TASOR: variants seen among roughly 807,000 people sequenced by gnomAD.
TASOR encodes the protein transcription activation suppressor.
Under a neutral mutation model 178.6 loss-of-function variants are expected in TASOR, and 53 were observed. The ratio of observed to expected loss-of-function variants is 0.30; its 90% CI spans 0.24 to 0.37. The LOEUF is 0.37. TASOR is among the 10% of genes least tolerant of loss of function. The pLI, the probability that TASOR is intolerant of heterozygous loss-of-function variation, is 1.00. For missense variants in TASOR, 1,815 were observed against 1,971.4 expected (o/e 0.92, Z 1.50); for synonymous variants, 713 against 696.2 (o/e 1.02, Z -0.38).
In TASOR at chr3:56,633,476, G is replaced by A. The variant is rs562808818; in HGVS notation, c.3315C>T (p.Asn1105=). 1.8e-5 allele frequency: 29 copies of A among 1,614,138 alleles called. No individual in the cohort carries two copies. The highest frequency in any genetic ancestry group is 2.2e-5 in the East Asian group (1 of 44,886). ...TCGATGCTATCTTAGCACCAGAATC[G>A]TTAGGACTGACTGGTGGCAAATTCC... The part of the protein sequence containing the change: ...KGGNLPPVSP[N]DSGAKIASNP... The change falls in exon 18 of 24, where the codon AAC becomes AAT. Residue 1105 remains asparagine, a synonymous_variant. Coordinates refer to ENST00000683822, the MANE Select transcript of TASOR (RefSeq NM_001365635.2).
intron 14 of TASOR, among the ~76,000 whole-genome samples, chr3:56,642,256 A>G (rs1032450903): frequency 1.1e-4 from 16 of 152,254 alleles, no homozygotes; most frequent in Admixed American, 6.5e-5. Context: ...ACTTAAATTC[A>G]TAATGAAGCT....
At position 56,680,254 on chromosome 3, in the gene TASOR, G is replaced by A. The variant is rs565371766; in HGVS notation, c.331+2422C>T. Among the ~76,000 whole-genome samples the A allele has an allele frequency of 2.0e-5, 3 of 152,208 alleles. No individual in the cohort carries two copies. In the East Asian group the frequency reaches 5.8e-4, roughly 29 times the overall value. ...TTTAGTCTCCTCATCTGTAAAATGG[G>A]AATAGTACCTACCACAAAACATTGT... On this transcript the variant is annotated intron_variant, in intron 1 of 23. Coordinates refer to ENST00000683822, the MANE Select transcript of TASOR (RefSeq NM_001365635.2).
At chr3:56,637,414 T>G (rs2077039076) in intron 17 of TASOR, among the ~76,000 whole-genome samples, 2 of 152,032 alleles carry the variant, frequency 1.3e-5, no homozygotes. Flanking sequence ...CCCAGCTACT[T>G]GGGAGGCTGA....
intron 7 of TASOR, chr3:56,664,367 G>A (rs2077663213): frequency 2.0e-5 from 3 of 152,184 alleles, no homozygotes; most frequent in Admixed American, 6.5e-5. Context: ...TTTAAGTGCT[G>A]GATGTCTTTT....
intron 13 of TASOR, 81 bp from the exon 14 acceptor site, chr3:56,647,304 A>G (rs2077255580): frequency 8.9e-7 from 1 of 1,126,528 alleles, no homozygotes; most frequent in African/African-American, 1.6e-5. Flanking sequence ...AAATATTGCC[A>G]AAGAAGTATA....
intron 6 of TASOR, among the ~76,000 whole-genome samples, chr3:56,667,806 T>A (rs550066908): frequency 1.3e-5 from 2 of 152,300 alleles, no homozygotes; most frequent in East Asian, 3.9e-4. Flanking sequence ...AAAAAACCAT[T>A]GCTTTATAGT....
At chr3:56,629,050 G>C (rs926249572) in intron 18 of TASOR, 1 of 152,804 alleles carries the variant, frequency 6.5e-6, no homozygotes, top group Non-Finnish European at 1.5e-5. Flanking sequence ...TGGGATTACA[G>C]GCGTGAGCCA....
In TASOR at chr3:56,671,759, T is replaced by C. The variant is rs1382352460; in HGVS notation, c.478-67A>G. ...TATGTTTTTCAAGCTACAAGTTTTA[T>C]TTTTTTTTCCAAGAAATCTCACACC... On this transcript the variant is annotated intron_variant, in intron 2 of 23. Coordinates refer to ENST00000683822, the MANE Select transcript of TASOR (RefSeq NM_001365635.2). 12 of 1,197,108 alleles carry C rather than the reference T, an allele frequency of 1.0e-5. No individual in the cohort carries two copies. The African/African-American group carries it at 1.4e-4, about 14-fold the overall frequency. The allele number at this position is 1,197,108 out of a possible 1,614,324, so 74.2% of individuals were successfully genotyped here.
intron 18 of TASOR, among the ~76,000 whole-genome samples, chr3:56,631,955 A>G (rs2076924695): frequency 6.6e-6 from 1 of 152,180 alleles, no homozygotes; most frequent in South Asian, 2.1e-4. Context: ...ACACCTCACA[A>G]TGAGAAATCT....
intron 2 of TASOR, 22 bp downstream of exon 2, chr3:56,673,558 G>A: frequency 6.6e-7 from 1 of 1,503,952 alleles, no homozygotes; most frequent in Non-Finnish European, 8.9e-7. Flanking sequence ...CAATCTTACA[G>A]TAAGTATAAT....
Position 56,646,533 on chromosome 3 carries a change from T to C in TASOR, c.2204A>G (p.His735Arg), listed in dbSNP as rs1229637436. ...AKTSNLSENC[H>R]LYEESPQPIG... The stretch of plus-strand genomic sequence containing the variant: ...ATCTGATATTTTACCTTCATACAGA[T>C]GGCAATTTTCAGATAAATTACTGGT... The change falls in exon 14 of 24, where the codon CAT (histidine) becomes CGT (arginine). Residue 735 changes from histidine to arginine, a missense_variant. His to Arg is a conservative substitution (Grantham distance 29). Coordinates refer to ENST00000683822, the MANE Select transcript of TASOR (RefSeq NM_001365635.2). 2 of 1,602,490 alleles carry C rather than the reference T, an allele frequency of 1.2e-6. No individual in the cohort carries two copies. Among genetic ancestry groups the C allele is most frequent in the Non-Finnish European group, 1.7e-6 (2 of 1,176,414 alleles).
In TASOR at chr3:56,675,990, AAT is replaced by A. The variant is rs564951943; in HGVS notation, c.332-2267_332-2266del. ...CTATTTTCGAACTGTGCACGAAAAA[AAT>A]AGTCAACAGTTATAGCAATACAATT... On this transcript the variant is annotated intron_variant, in intron 1 of 23. Transcript: ENST00000683822. 2.0e-3 allele frequency among the ~76,000 whole-genome samples: 306 copies of A among 152,374 alleles called. 12 individuals carry two copies. In the South Asian group the frequency reaches 0.058, roughly 29 times the overall value.
intron 19 of TASOR, among the ~76,000 whole-genome samples, chr3:56,628,019 G>A (rs1261477069): frequency 6.6e-6 from 1 of 152,200 alleles, no homozygotes; most frequent in East Asian, 1.9e-4. Context: ...TCTATAACCT[G>A]TGAGTACAGT....
In TASOR at chr3:56,620,259, A is replaced by C. The variant is rs1438709845; in HGVS notation, c.*2778T>G. The C allele has an allele frequency of 6.3e-6, 1 of 158,158 alleles. No homozygotes were observed. Among genetic ancestry groups the C allele is most frequent in the Admixed American group, 6.3e-5 (1 of 15,760 alleles). 9.8% of individuals were successfully genotyped at this position (158,158 alleles called of 1,614,324 possible). Reference sequence around the variant, plus strand: ...CTTAGCAATGTGGCCCACGCTTTTTAAAAAATTGACGTGTTGGCAGTGTTT... The same window carrying C: ...CTTAGCAATGTGGCCCACGCTTTTTCAAAAATTGACGTGTTGGCAGTGTTT... On this transcript the variant is annotated 3_prime_UTR_variant, in exon 24 of 24. Transcript: ENST00000683822.
chr3:56,641,859 C>T, intron 14 of TASOR, 107 bp from the exon 15 acceptor site: 1 of 1,163,014 alleles, frequency 8.6e-7, no homozygotes, highest in South Asian at 1.7e-5. Flanking sequence ...TGGTCAGGAA[C>T]TCAACCAATT....
chr3:56,654,738 C>G (rs892233120), intron 11 of TASOR, among the ~76,000 whole-genome samples: 1 of 152,200 alleles, frequency 6.6e-6, no homozygotes, highest in Non-Finnish European at 1.5e-5. Flanking sequence ...TCCTGTCTGT[C>G]TTCCAAGTTG....
At position 56,647,001 on chromosome 3, in the gene TASOR, T is replaced by G. The variant is rs762514845; in HGVS notation, c.1736A>C (p.Asp579Ala). 5 of 1,603,684 alleles carry G rather than the reference T, an allele frequency of 3.1e-6. No homozygotes were observed. Among genetic ancestry groups the G allele is most frequent in the Non-Finnish European group, 4.2e-6 (5 of 1,177,556 alleles). The change falls in exon 14 of 24, where the codon GAT (aspartate) becomes GCT (alanine). Residue 579 changes from aspartate (D) to alanine (A), a missense_variant. By Grantham distance (126) the Asp-to-Ala change is moderately radical. This residue lies in a region of TASOR where 504 missense variants were observed against 645.3 expected (regional missense o/e 0.78). Transcript: ENST00000683822. ...GAATTTTTTATCATCTAATCGTGAA[T>G]CATATGGAAACATAATAAACTCTCG... ...GKREFIMFPY[D>A]SRLDDKKFLY...
Position 56,621,514 on chromosome 3 carries a change from A to C in TASOR, c.*1523T>G, listed in dbSNP as rs1035283637. 6.5e-7 allele frequency: 1 copy of C among 1,534,656 alleles called. No individual in the cohort carries two copies. The highest frequency in any genetic ancestry group is 8.9e-7 in the Non-Finnish European group (1 of 1,125,370). Reference sequence around the variant, plus strand: ...GTGTGCACATTTTACTAACAAACATATATCAATGTGATTTCAGGGCCTTCT... The same window carrying C: ...GTGTGCACATTTTACTAACAAACATCTATCAATGTGATTTCAGGGCCTTCT... On this transcript the variant is annotated 3_prime_UTR_variant, in exon 24 of 24. Transcript: ENST00000683822.
At position 56,659,326 on chromosome 3, in the gene TASOR, C is replaced by T. The variant is rs901071746; in HGVS notation, c.1368+1405G>A. Among the ~76,000 whole-genome samples the T allele has an allele frequency of 5.9e-5, 9 of 152,304 alleles. 1 individual carries two copies. Among genetic ancestry groups the T allele is most frequent in the Admixed American group, 1.3e-4 (2 of 15,288 alleles). On this transcript the variant is annotated intron_variant, in intron 11 of 23. Transcript: ENST00000683822. ...TTGTATCCCTCTTTCTTGGAACTTACGACCACCATTTAGCAAGACAAAAAG... is the reference window on the plus strand; with the variant it reads ...TTGTATCCCTCTTTCTTGGAACTTATGACCACCATTTAGCAAGACAAAAAG...
Sources: gnomAD v4.1 joint callset for allele counts (sites outside exome capture counted in the v4.1 genomes callset) on GRCh38, gnomAD v4.1.1 for gene constraint, gnomAD v4.1.1 regional missense constraint, MANE v1.5 for transcripts, NCBI Gene and HGNC (gene_info 2026-07-23, HGNC 2026-07-21) for gene names.